The following BTBD9 variants were observed in gnomAD, a reference collection of about 807,000 sequenced individuals.
BTBD9 encodes the protein BTB domain containing 9.
A neutral mutation model predicts 64.3 loss-of-function variants in BTBD9; 49 were observed. That is an observed-to-expected ratio of 0.76 (90% CI 0.61 to 0.97). BTBD9 has a LOEUF of 0.97. BTBD9 is among the 50% of genes least tolerant of loss of function. BTBD9 has a pLI of 0.00. For missense variants in BTBD9, 598 were observed against 762.1 expected, an observed-to-expected ratio of 0.78 and a Z score of 2.53; for synonymous variants, 260 against 274.7, an observed-to-expected ratio of 0.95 and a Z score of 0.53.
intron 1 of BTBD9, among the ~76,000 whole-genome samples, chr6:38,629,031 TA>T (rs532194437): frequency 6.6e-4 from 96 of 144,740 alleles, no homozygotes; most frequent in Admixed American, 2.4e-3. Context: ...AATATGAGTT[TA>T]AAAAAAAAAA....
At chr6:38,384,062 C>A (rs898870909) in intron 6 of BTBD9, among the ~76,000 whole-genome samples, 1 of 152,026 alleles carries the variant, frequency 6.6e-6, no homozygotes, top group Non-Finnish European at 1.5e-5. Context: ...AAACCTTAAG[C>A]CTCACTTTAA....
intron 9 of BTBD9, among the ~76,000 whole-genome samples, chr6:38,251,934 C>G (rs1475001940): frequency 2.7e-5 from 4 of 150,222 alleles, no homozygotes; most frequent in Non-Finnish European, 5.9e-5. Context: ...ATAAAGGGTG[C>G]AGGTCAAAGG....
chr6:38,513,504 G>A (rs972161552), intron 6 of BTBD9, among the ~76,000 whole-genome samples: 4 of 151,080 alleles, frequency 2.6e-5, no homozygotes, highest in Non-Finnish European at 5.9e-5. Flanking sequence ...AAAATCCCAC[G>A]ACACTTCCAA....
At chr6:38,415,367 G>T (rs976688468) in intron 6 of BTBD9, among the ~76,000 whole-genome samples, 1 of 152,158 alleles carries the variant, frequency 6.6e-6, no homozygotes, top group Non-Finnish European at 1.5e-5. Context: ...TTTGAAGAGG[G>T]AAGGGAGCCA....
chr6:38,277,723 G>A (rs1202400532), intron 8 of BTBD9, among the ~76,000 whole-genome samples: 2 of 152,126 alleles, frequency 1.3e-5, no homozygotes, highest in African/African-American at 2.4e-5. Flanking sequence ...TGGACTCTAA[G>A]GGAAGCTTTT....
chr6:38,305,413 G>A (rs539134104), intron 7 of BTBD9, among the ~76,000 whole-genome samples: 1 of 152,238 alleles, frequency 6.6e-6, no homozygotes, highest in Non-Finnish European at 1.5e-5. Context: ...ACATTTTGAG[G>A]GGCAAAAGTG....
intron 1 of BTBD9, 81 bp from the exon 2 acceptor site, chr6:38,598,202 T>A: frequency 9.3e-7 from 1 of 1,077,026 alleles, no homozygotes; most frequent in Non-Finnish European, 1.3e-6. Flanking sequence ...CACAGCTAAG[T>A]AAAAATTTAA....
At chr6:38,232,456 G>C (rs750116494) in intron 9 of BTBD9, among the ~76,000 whole-genome samples, 9 of 151,904 alleles carry the variant, frequency 5.9e-5, no homozygotes, top group African/African-American at 1.5e-4. Context: ...ATTTTTAGTA[G>C]AGATGGGGTT....
intron 7 of BTBD9, among the ~76,000 whole-genome samples, chr6:38,327,225 T>C (rs1763473881): frequency 6.6e-6 from 1 of 152,140 alleles, no homozygotes; most frequent in Non-Finnish European, 1.5e-5. Flanking sequence ...AACACACCCA[T>C]CTTCACAATA....
At chr6:38,501,385 T>C (rs1772191189) in intron 6 of BTBD9, among the ~76,000 whole-genome samples, 1 of 152,238 alleles carries the variant, frequency 6.6e-6, no homozygotes, top group East Asian at 1.9e-4. Flanking sequence ...TTCAAAATCC[T>C]TAACACTTCT....
At chr6:38,485,736 C>G (rs1165515394) in intron 6 of BTBD9, among the ~76,000 whole-genome samples, 3 of 152,138 alleles carry the variant, frequency 2.0e-5, no homozygotes, top group African/African-American at 7.2e-5. Context: ...TCTTAGGGCC[C>G]TAGGATTTTC....
intron 1 of BTBD9, among the ~76,000 whole-genome samples, chr6:38,637,137 T>C (rs999041976): frequency 1.2e-4 from 19 of 152,222 alleles, no homozygotes; most frequent in African/African-American, 4.6e-4. Flanking sequence ...CAAAGCACTC[T>C]ACTCCCCCAG....
chr6:38,422,251 G>C (rs939001859), intron 6 of BTBD9, among the ~76,000 whole-genome samples: 5 of 152,058 alleles, frequency 3.3e-5, no homozygotes, highest in Non-Finnish European at 7.4e-5. Context: ...TACAAAAATG[G>C]ATAAAGTATA....
In BTBD9 at chr6:38,439,030, G is replaced by A. The variant is rs761388226; in HGVS notation, c.1155-93937C>T. On this transcript the variant is annotated intron_variant, in intron 6 of 10. Coordinates refer to ENST00000481247, the MANE Select transcript of BTBD9 (RefSeq NM_001099272.2). ...CGTGTCCTGGAGTGAAGAAAACAAG[G>A]AAGAGAGTATAGTAAGACAGTCCAA... 2.6e-5 allele frequency among the ~76,000 whole-genome samples: 4 copies of A among 151,798 alleles called. No homozygotes were observed. In the South Asian group the frequency reaches 8.3e-4, roughly 32 times the overall value.
chr6:38,354,798 CA>C (rs1307609959), intron 6 of BTBD9, among the ~76,000 whole-genome samples: 6 of 151,612 alleles, frequency 4.0e-5, no homozygotes, highest in Admixed American at 2.0e-4. Flanking sequence ...ATAAAGCTAC[CA>C]AAAAGAATCA....
At chr6:38,534,374 A>C (rs2127432385) in intron 6 of BTBD9, among the ~76,000 whole-genome samples, 1 of 152,078 alleles carries the variant, frequency 6.6e-6, no homozygotes, top group East Asian at 1.9e-4. Context: ...AAACCCATTA[A>C]AAATTCTCCC....
At chr6:38,238,541 C>G (rs868785331) in intron 9 of BTBD9, among the ~76,000 whole-genome samples, 1 of 141,604 alleles carries the variant, frequency 7.1e-6, no homozygotes, top group African/African-American at 2.7e-5. Flanking sequence ...GGCACGATCT[C>G]GGCTCACTGC....
At chr6:38,620,102 T>A (rs187064006) in intron 1 of BTBD9, among the ~76,000 whole-genome samples, 67 of 152,280 alleles carry the variant, frequency 4.4e-4, no homozygotes, top group South Asian at 3.3e-3. Context: ...TCATGAAGGA[T>A]TACAGGATAT....
At chr6:38,176,999 G>A (rs1293237537) in intron 10 of BTBD9, among the ~76,000 whole-genome samples, 1 of 152,172 alleles carries the variant, frequency 6.6e-6, no homozygotes, top group Non-Finnish European at 1.5e-5. Flanking sequence ...CTCTTTTGCA[G>A]TATGACCCAG....
Sources: allele counts gnomAD v4.1 joint callset (sites outside exome capture counted in the v4.1 genomes callset), GRCh38; gene constraint gnomAD v4.1.1; transcripts MANE v1.5; gene names NCBI Gene and HGNC (gene_info 2026-07-23, HGNC 2026-07-21).